SUGT1: variants seen among roughly 807,000 people sequenced by gnomAD.
SUGT1 encodes SGT1 assembly cochaperone of MIS12 kinetochore complex, also known as protein SGT1 homolog.
A neutral mutation model predicts 56.1 loss-of-function variants in SUGT1; 15 were observed. The observed-to-expected ratio is 0.27, with a 90% confidence interval of 0.18 to 0.41. The LOEUF is 0.41. Among genes scored for constraint, SUGT1 ranks in the 10% least tolerant of loss-of-function variants. The pLI is 1.00. For synonymous variants in SUGT1, 123 were observed against 128.6 expected (o/e 0.96, Z 0.30); for missense variants, 347 against 382.2 (o/e 0.91, Z 0.77).
chr13:52,689,422 A>C lies in SUGT1; in HGVS notation c.*1587A>C, dbSNP rs1963710028. On this transcript the variant is annotated 3_prime_UTR_variant, in exon 13 of 13. Transcript: ENST00000310528. ...TTTTCTCAGTACCATTAATCCTAAG[A>C]TGAAGAGGAAGGCTATTGCTGCAGA... 1 of 152,184 alleles carries C rather than the reference A, an allele frequency of 6.6e-6. No homozygotes were observed. The highest frequency in any genetic ancestry group is 6.5e-5 in the Admixed American group (1 of 15,276). The allele number at this position is 152,184 out of a possible 1,614,324, so 9.4% of individuals were successfully genotyped here. A position where few individuals can be genotyped will look rare whatever the true frequency, so the allele number is the denominator to read the frequency against.
At chr13:52,675,845 T>G (rs1963116653) in intron 10 of SUGT1, among the ~76,000 whole-genome samples, 1 of 152,174 alleles carries the variant, frequency 6.6e-6, no homozygotes, top group Admixed American at 6.5e-5. Context: ...GCAACCGTGG[T>G]CTCTACTCAA....
In SUGT1 at chr13:52,694,938, T is replaced by G. The variant is rs1187860840; in HGVS notation, c.*7103T>G. 1 of 152,318 alleles carries G rather than the reference T, an allele frequency of 6.6e-6. No individual in the cohort carries two copies. The highest frequency in any genetic ancestry group is 2.4e-5 in the African/African-American group (1 of 41,472). 9.4% of individuals were successfully genotyped at this position (152,318 alleles called of 1,614,324 possible). A position where few individuals can be genotyped will look rare whatever the true frequency, so the allele number is the denominator to read the frequency against. On this transcript the variant is annotated 3_prime_UTR_variant, in exon 13 of 13. Coordinates refer to ENST00000310528, the MANE Select transcript of SUGT1 (RefSeq NM_006704.5). ...CTCCTGATCTTGTGACCCGCCCGCCTCGGCCTCCCAAAGTGCTGGGATTAC... is the reference window on the plus strand; with the variant it reads ...CTCCTGATCTTGTGACCCGCCCGCCGCGGCCTCCCAAAGTGCTGGGATTAC...
chr13:52,684,144 G>C (rs1005963489), intron 12 of SUGT1, among the ~76,000 whole-genome samples: 1 of 152,022 alleles, frequency 6.6e-6, no homozygotes, highest in South Asian at 2.1e-4. Context: ...CAAGCGATCC[G>C]CCCACCTTGG....
In SUGT1 at chr13:52,695,032, C is replaced by G. The variant is rs897344176; in HGVS notation, c.*7197C>G. Reference sequence around the variant, plus strand: ...GAGTTAATTCATCAATCTTATTATTCTTGCCCCAAATGAATCAGTGTGGAG... The same window carrying G: ...GAGTTAATTCATCAATCTTATTATTGTTGCCCCAAATGAATCAGTGTGGAG... On this transcript the variant is annotated 3_prime_UTR_variant, in exon 13 of 13. Transcript: ENST00000310528. 1.3e-5 allele frequency: 2 copies of G among 152,200 alleles called. No homozygotes were observed. The highest frequency in any genetic ancestry group is 4.8e-5 in the African/African-American group (2 of 41,452). The allele number at this position is 152,200 out of a possible 1,614,324, so 9.4% of individuals were successfully genotyped here. A position where few individuals can be genotyped will look rare whatever the true frequency, so the allele number is the denominator to read the frequency against.
intron 10 of SUGT1, among the ~76,000 whole-genome samples, chr13:52,669,200 A>G (rs555086235): frequency 6.6e-6 from 1 of 152,298 alleles, no homozygotes; most frequent in South Asian, 2.1e-4. Flanking sequence ...GTCTTTGAGG[A>G]TAAGAAGCAT....
intron 2 of SUGT1, among the ~76,000 whole-genome samples, chr13:52,654,750 T>C (rs1003439617): frequency 1.3e-5 from 2 of 152,382 alleles, no homozygotes; most frequent in East Asian, 3.9e-4. Flanking sequence ...TACATTCATA[T>C]TGTGTGAAGT....
Position 52,693,630 on chromosome 13 carries a change from C to T in SUGT1, c.*5795C>T, listed in dbSNP as rs1266438592. 1 of 151,748 alleles carries T rather than the reference C, an allele frequency of 6.6e-6. No individual in the cohort carries two copies. Among genetic ancestry groups the T allele is most frequent in the Non-Finnish European group, 1.5e-5 (1 of 68,032 alleles). The allele number at this position is 151,748 out of a possible 1,614,324, so 9.4% of individuals were successfully genotyped here. A position where few individuals can be genotyped will look rare whatever the true frequency, so the allele number is the denominator to read the frequency against. ...ATGTAAAGGAGATAATAGGATCCCC[C>T]TCATGCCTCATGGTCTTAGTTGAAT... On this transcript the variant is annotated 3_prime_UTR_variant, in exon 13 of 13. Transcript: ENST00000310528.
At chr13:52,653,302 G>T (rs1962001594) in intron 2 of SUGT1, among the ~76,000 whole-genome samples, 199 bp downstream of exon 2, 1 of 152,030 alleles carries the variant, frequency 6.6e-6, no homozygotes, top group Non-Finnish European at 1.5e-5. Flanking sequence ...CTCCTGTCTT[G>T]CCCTTTCCAC....
chr13:52,681,124 C>T (rs1963355447), intron 12 of SUGT1, among the ~76,000 whole-genome samples: 2 of 152,064 alleles, frequency 1.3e-5, no homozygotes, highest in South Asian at 4.2e-4. Flanking sequence ...AGGCGTGAGG[C>T]ACCTCAACCA....
chr13:52,654,596 A>G (rs944953108), intron 2 of SUGT1, among the ~76,000 whole-genome samples: 1 of 152,192 alleles, frequency 6.6e-6, no homozygotes, highest in Non-Finnish European at 1.5e-5. Context: ...TCAGCCAGTA[A>G]TTCTTCTTAC....
intron 12 of SUGT1, chr13:52,687,408 T>C (rs1963640871): frequency 6.2e-6 from 1 of 160,470 alleles, no homozygotes; most frequent in South Asian, 2.0e-4. Flanking sequence ...ATATTTTCAA[T>C]TGAAGGTAGT....
intron 10 of SUGT1, among the ~76,000 whole-genome samples, chr13:52,668,929 G>C (rs1962824867): frequency 6.6e-6 from 1 of 152,064 alleles, no homozygotes; most frequent in South Asian, 2.1e-4. Flanking sequence ...GTATTACTGA[G>C]CCACCTCCTA....
At chr13:52,686,364 C>T (rs1408989692) in intron 12 of SUGT1, among the ~76,000 whole-genome samples, 1 of 152,176 alleles carries the variant, frequency 6.6e-6, no homozygotes, top group Non-Finnish European at 1.5e-5. Flanking sequence ...AATGAGCTGT[C>T]AGCATTAGTT....
At chr13:52,659,657 A>G (rs1164548486) in intron 5 of SUGT1, among the ~76,000 whole-genome samples, 3 of 151,496 alleles carry the variant, frequency 2.0e-5, no homozygotes, top group Admixed American at 6.6e-5. Flanking sequence ...CGTTTGGGTA[A>G]ATTATGAGAG....
intron 12 of SUGT1, among the ~76,000 whole-genome samples, chr13:52,680,787 G>A (rs1963340814): frequency 6.6e-6 from 1 of 152,140 alleles, no homozygotes; most frequent in South Asian, 2.1e-4. Context: ...ATGTGGTTGA[G>A]GCTTAGGTAT....
At chr13:52,658,896 ATTCT>A (rs1962292586) in intron 4 of SUGT1, among the ~76,000 whole-genome samples, 1 of 152,068 alleles carries the variant, frequency 6.6e-6, no homozygotes, top group South Asian at 2.1e-4. Context: ...AAGTATAACT[ATTCT>A]TTAAGAAACT....
intron 12 of SUGT1, among the ~76,000 whole-genome samples, chr13:52,684,205 T>A (rs1485885659): frequency 6.6e-6 from 1 of 152,048 alleles, no homozygotes; most frequent in Non-Finnish European, 1.5e-5. Flanking sequence ...CTGGCCTCCC[T>A]ACTCTTTTGA....
intron 8 of SUGT1, 82 bp downstream of exon 8, chr13:52,664,139 T>C: frequency 7.3e-7 from 1 of 1,373,292 alleles, no homozygotes; most frequent in South Asian, 1.3e-5. Context: ...AGTAAGCAAA[T>C]TCTTACCATG....
intron 10 of SUGT1, among the ~76,000 whole-genome samples, chr13:52,670,747 G>T (rs769618399): frequency 6.6e-5 from 10 of 152,158 alleles, no homozygotes; most frequent in Middle Eastern, 3.2e-3. Context: ...GGCGGAGGTT[G>T]CAGTGAGCCG....
Sources: allele counts gnomAD v4.1 joint callset (sites outside exome capture counted in the v4.1 genomes callset), GRCh38; gene constraint gnomAD v4.1.1; transcripts MANE v1.5; gene names NCBI Gene and HGNC (gene_info 2026-07-23, HGNC 2026-07-21).